DRC8: variants seen among roughly 807,000 people sequenced by gnomAD.
DRC8 encodes the protein dynein regulatory complex protein 8.
the DRC8 span, among the ~76,000 whole-genome samples, chr1:245,080,459 G>T: frequency 6.6e-6 from 1 of 152,180 alleles, no homozygotes; most frequent in Non-Finnish European, 1.5e-5. Context: ...GTATTATGAT[G>T]ATTTAAGATG....
At chr1:245,023,807 T>C in the DRC8 span, among the ~76,000 whole-genome samples, 1 of 152,202 alleles carries the variant, frequency 6.6e-6, no homozygotes, top group African/African-American at 2.4e-5. Context: ...ACGTGAATGG[T>C]ATGATACTAT....
chr1:245,108,913 T>A, the DRC8 span, among the ~76,000 whole-genome samples: 1 of 152,214 alleles, frequency 6.6e-6, no homozygotes, highest in Admixed American at 6.5e-5. Flanking sequence ...TAAATAGATA[T>A]GGCCATGGCT....
the DRC8 span, among the ~76,000 whole-genome samples, chr1:245,117,531 C>G: frequency 6.6e-6 from 1 of 152,070 alleles, no homozygotes; most frequent in Non-Finnish European, 1.5e-5. Flanking sequence ...TCAAGCGATT[C>G]TCTTTCCTCA....
the DRC8 span, among the ~76,000 whole-genome samples, chr1:245,090,529 G>T: frequency 6.6e-6 from 1 of 152,188 alleles, no homozygotes; most frequent in Non-Finnish European, 1.5e-5. Flanking sequence ...CCACCCATCG[G>T]TGCAGGTGCT....
At chr1:245,062,982 C>G in the DRC8 span, among the ~76,000 whole-genome samples, 1 of 152,188 alleles carries the variant, frequency 6.6e-6, no homozygotes, top group African/African-American at 2.4e-5. Context: ...ATTACCTAAT[C>G]TAGTCAACCC....
the DRC8 span, among the ~76,000 whole-genome samples, chr1:245,012,897 TAATA>T: frequency 3.3e-5 from 5 of 152,162 alleles, no homozygotes; most frequent in Non-Finnish European, 7.4e-5. Context: ...AAAAAGAGGC[TAATA>T]GAGTGGCAAT....
At chr1:245,060,461 A>G in the DRC8 span, among the ~76,000 whole-genome samples, 1 of 152,226 alleles carries the variant, frequency 6.6e-6, no homozygotes, top group South Asian at 2.1e-4. Context: ...TTTTTGAAGC[A>G]TTTGGAAATA....
chr1:245,119,511 A>T, the DRC8 span, among the ~76,000 whole-genome samples: 90 of 152,124 alleles, frequency 5.9e-4, 1 homozygote, highest in Non-Finnish European at 1.2e-4. Flanking sequence ...AAAAAAATTT[A>T]AAAGTAACTG....
the DRC8 span, among the ~76,000 whole-genome samples, chr1:245,076,294 A>G: frequency 1.6e-4 from 24 of 152,332 alleles, no homozygotes; most frequent in East Asian, 4.2e-3. Context: ...AAGCACCTTC[A>G]TATCTCATGG....
the DRC8 span, among the ~76,000 whole-genome samples, chr1:245,022,320 AT>A: frequency 0.036 from 5,231 of 144,534 alleles, 306 homozygotes; most frequent in African/African-American, 0.12. Flanking sequence ...CCCCCGGCTA[AT>A]TTTTTTTTTT....
the DRC8 span, among the ~76,000 whole-genome samples, chr1:245,118,134 A>T: frequency 1.9e-3 from 292 of 152,300 alleles, 1 homozygote; most frequent in South Asian, 0.014. Flanking sequence ...CTGCACACTT[A>T]GACCGAGAAC....
the DRC8 span, among the ~76,000 whole-genome samples, chr1:245,031,470 A>G: frequency 6.6e-6 from 1 of 151,778 alleles, no homozygotes; most frequent in East Asian, 1.9e-4. Flanking sequence ...TTACAGCTTG[A>G]TATATACAGT....
the DRC8 span, among the ~76,000 whole-genome samples, chr1:244,999,901 C>A: frequency 6.6e-6 from 1 of 152,224 alleles, no homozygotes; most frequent in African/African-American, 2.4e-5. Context: ...CCACTGCAAC[C>A]TCTGCCTCCC....
chr1:245,062,828 C>T, the DRC8 span, among the ~76,000 whole-genome samples: 10 of 152,286 alleles, frequency 6.6e-5, no homozygotes, highest in South Asian at 4.1e-4. Context: ...CACCTTTCCC[C>T]GTGACTCCCT....
the DRC8 span, among the ~76,000 whole-genome samples, chr1:245,078,075 T>C: frequency 3.3e-5 from 5 of 152,068 alleles, no homozygotes; most frequent in African/African-American, 1.2e-4. Context: ...TCAAAGGTGA[T>C]GTACAAATGT....
the DRC8 span, among the ~76,000 whole-genome samples, chr1:245,008,142 C>T: frequency 6.9e-6 from 1 of 145,930 alleles, no homozygotes; most frequent in African/African-American, 2.6e-5. Context: ...CACCACAGCA[C>T]TTCAGCCTGG....
chr1:245,017,337 ATTT>A, the DRC8 span: 1 of 1,317,466 alleles, frequency 7.6e-7, no homozygotes. Flanking sequence ...GTGTGGAAAT[ATTT>A]TTTTTTTTGT....
chr1:245,003,674 T>C, the DRC8 span, among the ~76,000 whole-genome samples: 3 of 152,188 alleles, frequency 2.0e-5, no homozygotes, highest in Non-Finnish European at 2.9e-5. Flanking sequence ...ACTGCAGCCT[T>C]GACCTCCTGG....
the DRC8 span, among the ~76,000 whole-genome samples, chr1:245,064,081 A>T: frequency 6.6e-6 from 1 of 152,142 alleles, no homozygotes; most frequent in African/African-American, 2.4e-5. Flanking sequence ...TGGCTGCCAT[A>T]GTTGTCGTCT....
Sources: gnomAD v4.1 joint callset for allele counts (sites outside exome capture counted in the v4.1 genomes callset) on GRCh38, gnomAD v4.1.1 for gene constraint, MANE v1.5 for transcripts, NCBI Gene and HGNC (gene_info 2026-07-23, HGNC 2026-07-21) for gene names.